TMEM132D: variants seen among roughly 807,000 people sequenced by gnomAD.
The protein encoded by TMEM132D is transmembrane protein 132D, also known as mature OL transmembrane protein.
Under a neutral mutation model 62.3 loss-of-function variants are expected in TMEM132D, and 21 were observed. The observed-to-expected ratio is 0.34, with a 90% CI of 0.24 to 0.49. The LOEUF (loss-of-function observed/expected upper bound fraction) is 0.49, where lower values mean the gene tolerates loss of function less well. Among genes scored for constraint, TMEM132D ranks in the 20% least tolerant of loss-of-function variants. TMEM132D has a pLI of 0.99. For missense variants in TMEM132D, 1,346 were observed against 1,402.8 expected, an observed-to-expected ratio of 0.96 and a Z score of 0.65; for synonymous variants, 621 against 575.6, an observed-to-expected ratio of 1.08 and a Z score of -1.13.
intron 5 of TMEM132D, among the ~76,000 whole-genome samples, chr12:129,200,175 G>A (rs766093485): frequency 1.2e-4 from 19 of 152,112 alleles, no homozygotes; most frequent in Non-Finnish European, 2.4e-4. Context: ...TATCCCGCAG[G>A]TGGTCACTCC....
intron 4 of TMEM132D, among the ~76,000 whole-genome samples, chr12:129,247,773 G>A (rs1193913126): frequency 6.6e-6 from 1 of 152,084 alleles, no homozygotes; most frequent in Admixed American, 6.5e-5. Context: ...TGGCTGGCAA[G>A]GAAATAGAAA....
intron 3 of TMEM132D, among the ~76,000 whole-genome samples, chr12:129,378,406 C>G (rs1302538442): frequency 2.6e-5 from 4 of 152,192 alleles, no homozygotes; most frequent in Non-Finnish European, 5.9e-5. Flanking sequence ...TAATTGAAAG[C>G]TGTGGTCAGG....
At chr12:129,467,446 T>C (rs910655811) in intron 3 of TMEM132D, among the ~76,000 whole-genome samples, 2 of 152,152 alleles carry the variant, frequency 1.3e-5, no homozygotes, top group Admixed American at 1.3e-4. Flanking sequence ...TGGAATTTCA[T>C]TGGCCATGCT....
intron 8 of TMEM132D, among the ~76,000 whole-genome samples, chr12:129,077,931 T>A (rs890719764): frequency 1.3e-5 from 2 of 151,956 alleles, no homozygotes; most frequent in African/African-American, 4.8e-5. Flanking sequence ...ACAACACACA[T>A]ATACATATGC....
chr12:129,429,266 G>C (rs532544795), intron 3 of TMEM132D, among the ~76,000 whole-genome samples: 10 of 152,240 alleles, frequency 6.6e-5, no homozygotes, highest in Non-Finnish European at 1.5e-4. Context: ...TTCAGAGTTA[G>C]ACGAGCTGAA....
At chr12:129,341,189 A>C (rs1247690408) in intron 3 of TMEM132D, among the ~76,000 whole-genome samples, 1 of 152,182 alleles carries the variant, frequency 6.6e-6, no homozygotes, top group Non-Finnish European at 1.5e-5. Context: ...GTGCCTTTGC[A>C]GTTTGTGTGT....
intron 3 of TMEM132D, among the ~76,000 whole-genome samples, chr12:129,344,220 G>T (rs2016122717): frequency 6.6e-6 from 1 of 152,130 alleles, no homozygotes; most frequent in Non-Finnish European, 1.5e-5. Context: ...CTCTCTTGGG[G>T]TCTGGATCAG....
intron 5 of TMEM132D, among the ~76,000 whole-genome samples, chr12:129,141,904 C>A (rs1876750445): frequency 6.6e-6 from 1 of 150,960 alleles, no homozygotes; most frequent in East Asian, 1.9e-4. Context: ...GCACATGTAC[C>A]CCCGGAATCT....
intron 1 of TMEM132D, among the ~76,000 whole-genome samples, chr12:129,818,593 T>TTG (rs778027282): frequency 6.8e-6 from 1 of 146,462 alleles, no homozygotes; most frequent in African/African-American, 2.5e-5. Context: ...TGGAGTGTGT[T>TTG]TGTGTGTGTG....
At chr12:129,636,112 G>A (rs1879469045) in intron 2 of TMEM132D, among the ~76,000 whole-genome samples, 1 of 152,172 alleles carries the variant, frequency 6.6e-6, no homozygotes, top group Non-Finnish European at 1.5e-5. Context: ...AGTTTCCTGG[G>A]TGGCTATCCT....
At chr12:129,425,419 T>C (rs1001950259) in intron 3 of TMEM132D, among the ~76,000 whole-genome samples, 2 of 150,998 alleles carry the variant, frequency 1.3e-5, no homozygotes, top group Non-Finnish European at 1.5e-5. Flanking sequence ...TTTTTTTTTT[T>C]CTAATCTCTG....
In TMEM132D at chr12:129,120,889, G is replaced by A. The variant is rs182941710; in HGVS notation, c.1444-36187C>T. 7.4e-3 allele frequency among the ~76,000 whole-genome samples: 1,126 copies of A among 151,596 alleles called. 16 individuals are homozygous for A. Among genetic ancestry groups the A allele is most frequent in the African/African-American group, 0.025 (1,035 of 41,276 alleles). On this transcript the variant is annotated intron_variant, in intron 5 of 8. Transcript: ENST00000422113. ...TTCTATTAGTTTAGAATTGTTTCCCGGTAAAATGCTAAAGAGTAAAATAAA... is the reference window on the plus strand; with the variant it reads ...TTCTATTAGTTTAGAATTGTTTCCCAGTAAAATGCTAAAGAGTAAAATAAA...
intron 2 of TMEM132D, among the ~76,000 whole-genome samples, chr12:129,569,254 A>G (rs760978901): frequency 1.3e-4 from 20 of 152,210 alleles, no homozygotes; most frequent in South Asian, 2.1e-4. Flanking sequence ...TAATAGATCA[A>G]TGTCTCTGCA....
At chr12:129,510,505 T>G (rs761511057) in intron 3 of TMEM132D, among the ~76,000 whole-genome samples, 4 of 152,202 alleles carry the variant, frequency 2.6e-5, no homozygotes, top group Non-Finnish European at 4.4e-5. Flanking sequence ...TTGGCGTGTG[T>G]GCTTGTGGGT....
Position 129,700,594 on chromosome 12 carries a change from GGAA to G in TMEM132D, c.181_183del (p.Phe61del). On this transcript the variant is annotated inframe_deletion, in exon 2 of 9. Transcript: ENST00000422113. The stretch of plus-strand genomic sequence containing the variant: ...ATGATATCCTGGTTGGCCTCCTTCA[GGAA>G]GAAGGAGACGTCCGCGTTGTTGATG... The G allele has an allele frequency of 6.2e-7, 1 of 1,614,046 alleles. No homozygotes were observed.
chr12:129,085,804 C>T (rs1002939177), intron 5 of TMEM132D: 20 of 152,222 alleles, frequency 1.3e-4, no homozygotes, highest in Admixed American at 1.3e-4. Context: ...TCCTCCATGC[C>T]AGCGCTGATG....
intron 5 of TMEM132D, among the ~76,000 whole-genome samples, chr12:129,092,719 AATAGTGGTAAC>A (rs1874969975): frequency 6.6e-6 from 1 of 152,198 alleles, no homozygotes. Flanking sequence ...TAACATTAAT[AATAGTGGTAAC>A]AATAATAGTA....
At chr12:129,636,216 G>C (rs1879471629) in intron 2 of TMEM132D, among the ~76,000 whole-genome samples, 1 of 152,202 alleles carries the variant, frequency 6.6e-6, no homozygotes, top group African/African-American at 2.4e-5. Flanking sequence ...GCCCTGGAGA[G>C]GGAAGGGGAT....
chr12:129,353,284 A>G (rs113242464), intron 3 of TMEM132D, among the ~76,000 whole-genome samples: 9 of 152,278 alleles, frequency 5.9e-5, no homozygotes, highest in African/African-American at 2.2e-4. Flanking sequence ...CACTAAGTCT[A>G]CTTGGGGGAG....
Sources: allele counts gnomAD v4.1 joint callset (sites outside exome capture counted in the v4.1 genomes callset), GRCh38; gene constraint gnomAD v4.1.1; transcripts MANE v1.5; gene names NCBI Gene and HGNC (gene_info 2026-07-23, HGNC 2026-07-21).